DMC1: variants seen among roughly 807,000 people sequenced by gnomAD.
The protein encoded by DMC1 is meiotic recombination protein DMC1 homolog.
DMC1 carries 27 observed loss-of-function variants against 50.1 expected under a neutral mutation model. The ratio of observed to expected loss-of-function variants is 0.54; its 90% CI spans 0.40 to 0.74. The LOEUF (loss-of-function observed/expected upper bound fraction) is 0.74. DMC1 is among the 30% of genes least tolerant of loss of function. The pLI, the probability that DMC1 is intolerant of heterozygous loss-of-function variation, is 0.00. For synonymous variants in DMC1, 148 were observed against 136.1 expected (o/e 1.09, Z -0.61); for missense variants, 295 against 420.2 (o/e 0.70, Z 2.60).
At chr22:38,548,666 G>C (rs944424685) in intron 8 of DMC1, among the ~76,000 whole-genome samples, 1 of 152,028 alleles carries the variant, frequency 6.6e-6, no homozygotes, top group African/African-American at 2.4e-5. Flanking sequence ...TTGAGGTCAG[G>C]AGTTCAAAAC....
At chr22:38,525,057 G>A (rs1038971925) in intron 12 of DMC1, among the ~76,000 whole-genome samples, 1 of 152,012 alleles carries the variant, frequency 6.6e-6, no homozygotes, top group South Asian at 2.1e-4. Context: ...GCCAGACTAC[G>A]TCTCAAAATA....
chr22:38,555,878 C>T (rs2090464522), intron 5 of DMC1, among the ~76,000 whole-genome samples: 1 of 151,258 alleles, frequency 6.6e-6, no homozygotes, highest in Non-Finnish European at 1.5e-5. Context: ...GTCGCCCAGG[C>T]TGGAATGCAG....
intron 7 of DMC1, among the ~76,000 whole-genome samples, chr22:38,550,943 AAAAAAAG>A (rs2090399268): frequency 1.4e-5 from 2 of 147,836 alleles, no homozygotes; most frequent in East Asian, 2.1e-4. Context: ...AAAAAAAAAA[AAAAAAAG>A]AAAGAAAGAA....
chr22:38,555,040 C>T (rs559962421), intron 6 of DMC1, among the ~76,000 whole-genome samples: 21 of 150,810 alleles, frequency 1.4e-4, no homozygotes, highest in Non-Finnish European at 1.9e-4. Context: ...GCCGAGATTG[C>T]GCCACTGCAC....
downstream of DMC1, among the ~76,000 whole-genome samples, chr22:38,514,482 T>G (rs531012212): frequency 9.2e-4 from 140 of 152,094 alleles, 1 homozygote; most frequent in East Asian, 4.7e-3. Flanking sequence ...GACCTCGTGA[T>G]CTGCCCACCT....
chr22:38,509,352 C>T, the DMC1 span, among the ~76,000 whole-genome samples: 6 of 152,136 alleles, frequency 3.9e-5, no homozygotes, highest in Non-Finnish European at 8.8e-5. Flanking sequence ...TGTGTTGTTC[C>T]CCCGCTCCAT....
downstream of DMC1, chr22:38,518,836 G>C (rs531554116): frequency 2.0e-5 from 3 of 150,802 alleles, no homozygotes; most frequent in Middle Eastern, 3.4e-3. Flanking sequence ...CCCAGCCCTG[G>C]AATTTTCATG....
chr22:38,550,142 A>G (rs889956913), intron 7 of DMC1, 145 bp from the exon 8 acceptor site: 9 of 639,526 alleles, frequency 1.4e-5, no homozygotes, highest in Admixed American at 5.5e-5. Flanking sequence ...ACAACATGTT[A>G]TATTTTCATA....
intron 9 of DMC1, 26 bp downstream of exon 9, chr22:38,539,295 A>G: frequency 6.5e-7 from 1 of 1,530,998 alleles, no homozygotes; most frequent in Non-Finnish European, 9.1e-7. Context: ...CATTGACCCA[A>G]GCATCCAACT....
chr22:38,532,807 C>T (rs1002884913), intron 12 of DMC1, among the ~76,000 whole-genome samples: 1 of 151,334 alleles, frequency 6.6e-6, no homozygotes, highest in Non-Finnish European at 1.5e-5. Flanking sequence ...TTTTTAGAGA[C>T]GAGGTCTGTC....
chr22:38,534,407 A>G (rs922712514), intron 12 of DMC1, among the ~76,000 whole-genome samples: 1 of 152,200 alleles, frequency 6.6e-6, no homozygotes, highest in Non-Finnish European at 1.5e-5. Context: ...GGTTCACCAA[A>G]AAATACATAT....
chr22:38,520,665 T>A (rs1232797322), intron 13 of DMC1, among the ~76,000 whole-genome samples: 2 of 151,704 alleles, frequency 1.3e-5, no homozygotes, highest in Non-Finnish European at 2.9e-5. Flanking sequence ...GCCAACTGGA[T>A]GTTCTTTTAG....
intron 12 of DMC1, among the ~76,000 whole-genome samples, chr22:38,535,294 G>T (rs2090198612): frequency 6.8e-6 from 1 of 147,794 alleles, no homozygotes; most frequent in Non-Finnish European, 1.5e-5. Flanking sequence ...GCGAGACTCC[G>T]TCTCAAAAAA....
the DMC1 span, among the ~76,000 whole-genome samples, chr22:38,511,548 C>G: frequency 2.6e-5 from 4 of 152,030 alleles, no homozygotes; most frequent in South Asian, 8.3e-4. Context: ...TATGCTTGCC[C>G]CACTGCACTC....
intron 8 of DMC1, among the ~76,000 whole-genome samples, chr22:38,542,104 T>C (rs940737211): frequency 6.8e-6 from 1 of 148,140 alleles, no homozygotes; most frequent in Non-Finnish European, 1.5e-5. Flanking sequence ...GCTAGTATCA[T>C]ACTAGATGGG....
chr22:38,525,175 C>T (rs111487055), intron 12 of DMC1, among the ~76,000 whole-genome samples: 6 of 152,266 alleles, frequency 3.9e-5, no homozygotes, highest in African/African-American at 9.6e-5. Context: ...GAAACTCCAG[C>T]GCCTGGAAAA....
intron 8 of DMC1, among the ~76,000 whole-genome samples, chr22:38,544,766 C>T (rs1052930989): frequency 6.7e-6 from 1 of 149,996 alleles, no homozygotes; most frequent in African/African-American, 2.5e-5. Context: ...GCTGGGACTA[C>T]AGGCACGTGC....
chr22:38,569,056 C>T (rs1250635812), intron 1 of DMC1, among the ~76,000 whole-genome samples: 1 of 151,658 alleles, frequency 6.6e-6, no homozygotes, highest in Non-Finnish European at 1.5e-5. Flanking sequence ...TGGTGGTGGG[C>T]GCCCGTAATC....
chr22:38,555,267 T>G (rs1444573946), intron 6 of DMC1, 90 bp downstream of exon 6: 1 of 829,254 alleles, frequency 1.2e-6, no homozygotes, highest in Non-Finnish European at 2.0e-6. Context: ...TTATTGGTTG[T>G]TTATTTAATT....
Sources: allele counts gnomAD v4.1 joint callset (sites outside exome capture counted in the v4.1 genomes callset), GRCh38; gene constraint gnomAD v4.1.1; transcripts MANE v1.5; gene names NCBI Gene and HGNC (gene_info 2026-07-23, HGNC 2026-07-21).